The following ZNF366 variants were observed in gnomAD, a reference collection of about 807,000 sequenced individuals.
ZNF366 encodes the protein dendritic cell-specific transcript protein.
ZNF366 carries 20 observed loss-of-function variants against 47.2 expected under a neutral mutation model. That is an observed-to-expected ratio of 0.42 (90% CI 0.30 to 0.62). The LOEUF is 0.62. Ranked by LOEUF, ZNF366 falls within the 20% of genes least tolerant of loss-of-function variation. The pLI is 0.16. For missense variants in ZNF366, 987 were observed against 976.3 expected, an observed-to-expected ratio of 1.01 and a Z score of -0.15; for synonymous variants, 421 against 395.1, an observed-to-expected ratio of 1.07 and a Z score of -0.78.
At chr5:72,445,519 A>C (rs1469732253) in intron 4 of ZNF366, among the ~76,000 whole-genome samples, 1 of 152,234 alleles carries the variant, frequency 6.6e-6, no homozygotes, top group Admixed American at 6.5e-5. Context: ...AGAGTGAAAA[A>C]TAAAAGCTAA....
At chr5:72,447,564 A>T in intron 3 of ZNF366, 147 bp from the exon 4 acceptor site, 2 of 917,146 alleles carry the variant, frequency 2.2e-6, no homozygotes, top group Non-Finnish European at 3.2e-6. Flanking sequence ...GAAATCAGGA[A>T]GGAGCCTCAG....
chr5:72,444,214 G>C lies in ZNF366; in HGVS notation c.1777C>G (p.Leu593Val), dbSNP rs560006283. 13 of 1,613,492 alleles carry C rather than the reference G, an allele frequency of 8.1e-6. 1 individual carries two copies. The Admixed American group carries it at 1.8e-4, about 23-fold the overall frequency. ...RSLEQEEPFD[L>V]SQKRRAKVPV... is the part of the protein sequence containing the mutation. Reference sequence around the variant, plus strand: ...ACCTTGGCCCGGCGCTTCTGAGAGAGGTCAAAGGGCTCCTCCTGCTCCAGA... The same window carrying C: ...ACCTTGGCCCGGCGCTTCTGAGAGACGTCAAAGGGCTCCTCCTGCTCCAGA... Residue 593 changes from leucine to valine, a missense_variant, in exon 5 of 5, where the codon CTC becomes GTC. By Grantham distance (32) the Leu-to-Val change is conservative. Around this residue, in one of 3 missense-constraint regions of ZNF366, gnomAD observed 285 missense variants for 234.8 expected, o/e 1.21. Coordinates refer to ENST00000318442, the MANE Select transcript of ZNF366 (RefSeq NM_152625.3).
chr5:72,460,921 C>A lies in ZNF366; in HGVS notation c.576G>T (p.Ser192=), dbSNP rs760922915. Residue 192 remains serine, a synonymous_variant, in exon 2 of 5, where the codon TCG becomes TCT. Transcript: ENST00000318442. ...GCCGGCTGAAGGGGAAGGGCGAGGA[C>A]GAGGGCACGAAGAAGGGGAACATGA... ...PGLMFPFFVP[S]SSPFPFSRHT... 1 of 1,611,762 alleles carries A rather than the reference C, an allele frequency of 6.2e-7. No individual in the cohort carries two copies. The highest frequency in any genetic ancestry group is 8.5e-7 in the Non-Finnish European group (1 of 1,178,474).
intron 1 of ZNF366, among the ~76,000 whole-genome samples, chr5:72,500,154 G>A (rs934041381): frequency 6.6e-6 from 1 of 152,146 alleles, no homozygotes; most frequent in Non-Finnish European, 1.5e-5. Context: ...GAAGACACAG[G>A]GCAGACAGCA....
intron 1 of ZNF366, among the ~76,000 whole-genome samples, chr5:72,484,377 G>C (rs940215441): frequency 6.7e-6 from 1 of 149,006 alleles, no homozygotes; most frequent in Non-Finnish European, 1.5e-5. Flanking sequence ...CCAGCTACTC[G>C]GGAGGCTGAG....
chr5:72,496,052 G>T (rs1373386737), intron 1 of ZNF366, among the ~76,000 whole-genome samples: 1 of 151,598 alleles, frequency 6.6e-6, no homozygotes, highest in Non-Finnish European at 1.5e-5. Flanking sequence ...TAACTATACA[G>T]GTTGGAGATT....
At chr5:72,477,543 G>C (rs1341603380) in intron 1 of ZNF366, among the ~76,000 whole-genome samples, 1 of 152,190 alleles carries the variant, frequency 6.6e-6, no homozygotes, top group Non-Finnish European at 1.5e-5. Flanking sequence ...TACCCAAAGA[G>C]CTTTGCTGCA....
Position 72,444,173 on chromosome 5 carries a change from T to C in ZNF366, c.1818A>G (p.Ser606=), listed in dbSNP as rs1309517634. The C allele has an allele frequency of 1.1e-5, 18 of 1,613,560 alleles. No individual in the cohort carries two copies. The highest frequency in any genetic ancestry group is 3.3e-5 in the Admixed American group (2 of 60,028). ...GGCTGCCCTGGGCACTCTCCCCGTC[T>C]GACTGGAACACCGGCACCTTGGCCC... ...KRRAKVPVFQ[S]DGESAQGSHC... The change falls in exon 5 of 5, where the codon TCA becomes TCG. Residue 606 remains serine (S), a synonymous_variant. Coordinates refer to ENST00000318442, the MANE Select transcript of ZNF366 (RefSeq NM_152625.3).
intron 1 of ZNF366, among the ~76,000 whole-genome samples, chr5:72,500,650 CA>C (rs1462343301): frequency 1.3e-5 from 2 of 152,178 alleles, no homozygotes; most frequent in Admixed American, 6.5e-5. Flanking sequence ...TTGTCTTGGA[CA>C]AGGTCAAAGT....
intron 3 of ZNF366, 123 bp downstream of exon 3, chr5:72,456,281 G>C: frequency 1.9e-6 from 2 of 1,062,868 alleles, no homozygotes; most frequent in Non-Finnish European, 2.7e-6. Flanking sequence ...CCTGGGGTTG[G>C]CCACGGACCT....
intron 3 of ZNF366, among the ~76,000 whole-genome samples, chr5:72,452,714 TA>T (rs1743099280): frequency 6.6e-6 from 1 of 152,208 alleles, no homozygotes; most frequent in Non-Finnish European, 1.5e-5. Context: ...ATTCATAACT[TA>T]GGCAGCTGCC....
intron 1 of ZNF366, among the ~76,000 whole-genome samples, chr5:72,492,080 G>T (rs962701861): frequency 6.6e-6 from 1 of 152,222 alleles, no homozygotes; most frequent in African/African-American, 2.4e-5. Flanking sequence ...GAGTTCCCTA[G>T]TATGTTAATA....
intron 1 of ZNF366, among the ~76,000 whole-genome samples, chr5:72,506,776 A>G (rs1340100170): frequency 2.0e-5 from 3 of 152,194 alleles, no homozygotes; most frequent in African/African-American, 7.2e-5. Context: ...ATAACAATTA[A>G]CAATCCTCCT....
At chr5:72,493,500 G>C (rs934235183) in intron 1 of ZNF366, 2 of 152,142 alleles carry the variant, frequency 1.3e-5, no homozygotes, top group African/African-American at 4.8e-5. Flanking sequence ...TCTAGACTTT[G>C]ATCAAGTATG....
At chr5:72,499,690 C>G (rs931409405) in intron 1 of ZNF366, among the ~76,000 whole-genome samples, 1 of 151,918 alleles carries the variant, frequency 6.6e-6, no homozygotes, top group African/African-American at 2.4e-5. Flanking sequence ...GAAATTCCAC[C>G]GTGTCGTGGG....
intron 1 of ZNF366, among the ~76,000 whole-genome samples, chr5:72,494,487 A>C (rs1744072833): frequency 6.6e-6 from 1 of 152,164 alleles, no homozygotes; most frequent in African/African-American, 2.4e-5. Context: ...CAGAGCAACC[A>C]CTAAACTGAA....
intron 1 of ZNF366, among the ~76,000 whole-genome samples, chr5:72,506,196 A>G (rs1274318015): frequency 1.3e-5 from 2 of 152,236 alleles, no homozygotes; most frequent in African/African-American, 4.8e-5. Flanking sequence ...ATTTTTAAAA[A>G]GTATGCTTGG....
chr5:72,449,986 GA>G (rs1743032983), intron 3 of ZNF366, among the ~76,000 whole-genome samples: 1 of 152,164 alleles, frequency 6.6e-6, no homozygotes, highest in Non-Finnish European at 1.5e-5. Context: ...AGAGGTCATT[GA>G]AAAGAAGTGA....
At chr5:72,495,758 G>A (rs1460025916) in intron 1 of ZNF366, among the ~76,000 whole-genome samples, 1 of 152,136 alleles carries the variant, frequency 6.6e-6, no homozygotes, top group East Asian at 1.9e-4. Flanking sequence ...TTACTTTACA[G>A]ATGAGAAAAC....
Sources: gnomAD v4.1 joint callset for allele counts (sites outside exome capture counted in the v4.1 genomes callset) on GRCh38, gnomAD v4.1.1 for gene constraint, gnomAD v4.1.1 regional missense constraint, MANE v1.5 for transcripts, NCBI Gene and HGNC (gene_info 2026-07-23, HGNC 2026-07-21) for gene names.